Variants in RGS17 observed in about 807,000 individuals in gnomAD.
RGS17 encodes the protein regulator of G protein signaling 17, also known as regulator of G-protein signaling 17.
In RGS17, 12 loss-of-function variants were observed where a neutral mutation model predicts 25.5. That is an observed-to-expected ratio of 0.47 (90% confidence interval 0.30 to 0.76). The LOEUF (loss-of-function observed/expected upper bound fraction) is 0.76. Ranked by LOEUF, RGS17 falls within the 30% of genes least tolerant of loss-of-function variation. The probability of loss-of-function intolerance (pLI) is 0.07; values close to 1 mark genes in which losing one functional copy is unlikely to be tolerated. For missense variants in RGS17, 196 were observed against 242.2 expected, an observed-to-expected ratio of 0.81 and a Z score of 1.27; for synonymous variants, 71 against 76.9, an observed-to-expected ratio of 0.92 and a Z score of 0.40.
At chr6:153,101,675 G>A (rs1777304613) in intron 1 of RGS17, among the ~76,000 whole-genome samples, 1 of 152,054 alleles carries the variant, frequency 6.6e-6, no homozygotes, top group South Asian at 2.1e-4. Flanking sequence ...TTGAGGGAGG[G>A]GTCTGGTGGG....
chr6:153,056,462 G>A (rs1239879362), intron 1 of RGS17, among the ~76,000 whole-genome samples: 1 of 152,152 alleles, frequency 6.6e-6, no homozygotes, highest in African/African-American at 2.4e-5. Context: ...TTCCATATAT[G>A]GAAAGTCTGA....
At chr6:153,021,900 T>C (rs1779251392) in intron 4 of RGS17, among the ~76,000 whole-genome samples, 1 of 152,072 alleles carries the variant, frequency 6.6e-6, no homozygotes, top group African/African-American at 2.4e-5. Flanking sequence ...AAACTTGTGT[T>C]CAAAAGAAAG....
chr6:153,078,501 T>C (rs1282879828), intron 1 of RGS17, among the ~76,000 whole-genome samples: 2 of 152,038 alleles, frequency 1.3e-5, no homozygotes, highest in Non-Finnish European at 2.9e-5. Flanking sequence ...CTTTTAAAAA[T>C]ATTTTATTAC....
chr6:153,078,071 A>C (rs1401852573), intron 1 of RGS17, among the ~76,000 whole-genome samples: 2 of 152,046 alleles, frequency 1.3e-5, no homozygotes, highest in African/African-American at 4.8e-5. Flanking sequence ...AAGGCGATTC[A>C]CAATGTGGGC....
intron 1 of RGS17, among the ~76,000 whole-genome samples, chr6:153,114,530 G>C (rs903232554): frequency 2.0e-5 from 3 of 152,116 alleles, no homozygotes; most frequent in Non-Finnish European, 4.4e-5. Flanking sequence ...CATTTCTTCC[G>C]AAACTATTCC....
At position 153,042,548 on chromosome 6, in the gene RGS17, G is replaced by A. The variant is rs182518031; in HGVS notation, c.119+1352C>T. Among the ~76,000 whole-genome samples, 5 of 152,268 alleles carry A rather than the reference G, an allele frequency of 3.3e-5. No individual in the cohort carries two copies. In the East Asian group the frequency reaches 7.7e-4, roughly 24 times the overall value. ...GGCCTCCCCAGCCCTGTGGAACTGT[G>A]AGTCCATTAAACCTCTTTTTCTTTA... On this transcript the variant is annotated intron_variant, in intron 2 of 4. Coordinates refer to ENST00000206262, the MANE Select transcript of RGS17 (RefSeq NM_012419.5).
chr6:153,061,592 A>C (rs1396300907), intron 1 of RGS17, among the ~76,000 whole-genome samples: 1 of 152,240 alleles, frequency 6.6e-6, no homozygotes, highest in Non-Finnish European at 1.5e-5. Context: ...GTTATTATTC[A>C]TATAATGATT....
Position 153,049,020 on chromosome 6 carries a change from C to T in RGS17, c.-25-4977G>A, listed in dbSNP as rs1229186978. ...ATTCCTATTAACGATAAGAAGAAAA[C>T]AATAAAGTCTATATACCCAACATTC... On this transcript the variant is annotated intron_variant, in intron 1 of 4. Coordinates refer to ENST00000206262, the MANE Select transcript of RGS17 (RefSeq NM_012419.5). Among the ~76,000 whole-genome samples the T allele has an allele frequency of 3.3e-5, 5 of 151,966 alleles. 1 individual carries two copies. The highest frequency in any genetic ancestry group is 1.2e-4 in the African/African-American group (5 of 41,380).
Position 153,076,997 on chromosome 6 carries a change from A to C in RGS17, c.-25-32954T>G, listed in dbSNP as rs189161915. 6.6e-5 allele frequency among the ~76,000 whole-genome samples: 10 copies of C among 152,300 alleles called. No homozygotes were observed. In the East Asian group the frequency reaches 1.9e-3, roughly 29 times the overall value. On this transcript the variant is annotated intron_variant, in intron 1 of 4. Transcript: ENST00000206262. ...TTATAAGGGAAAAAAATGTACTTTC[A>C]TCATGAAGCAATGTTTTAGTGACCA...
intron 4 of RGS17, among the ~76,000 whole-genome samples, chr6:153,021,344 C>T (rs1779246285): frequency 6.6e-6 from 1 of 152,116 alleles, no homozygotes; most frequent in South Asian, 2.1e-4. Context: ...TGATGTAAGT[C>T]AGTAATGTAT....
intron 1 of RGS17, among the ~76,000 whole-genome samples, chr6:153,046,446 A>T (rs1462907052): frequency 6.6e-6 from 1 of 152,040 alleles, no homozygotes; most frequent in East Asian, 1.9e-4. Flanking sequence ...TCTACATTTT[A>T]TGTACTGGAA....
chr6:153,108,412 G>A (rs1777416647), intron 1 of RGS17, among the ~76,000 whole-genome samples: 1 of 152,082 alleles, frequency 6.6e-6, no homozygotes, highest in South Asian at 2.1e-4. Flanking sequence ...CAGGCAAATG[G>A]CAGAAATGGC....
intron 1 of RGS17, among the ~76,000 whole-genome samples, chr6:153,083,628 C>G (rs1777012482): frequency 6.6e-6 from 1 of 152,062 alleles, no homozygotes; most frequent in Non-Finnish European, 1.5e-5. Flanking sequence ...GAAAGGGAAA[C>G]AAACAAGAAA....
chr6:153,051,106 G>A (rs1776456494), intron 1 of RGS17, among the ~76,000 whole-genome samples: 1 of 152,174 alleles, frequency 6.6e-6, no homozygotes, highest in Non-Finnish European at 1.5e-5. Flanking sequence ...CCCCAGAACT[G>A]TGAGAAATAA....
intron 4 of RGS17, among the ~76,000 whole-genome samples, chr6:153,018,088 A>G (rs1247868034): frequency 6.6e-6 from 1 of 152,030 alleles, no homozygotes; most frequent in Non-Finnish European, 1.5e-5. Flanking sequence ...TAGAACAAAG[A>G]TTATTGGTAG....
At chr6:153,113,073 A>G (rs1448599440) in intron 1 of RGS17, among the ~76,000 whole-genome samples, 1 of 152,222 alleles carries the variant, frequency 6.6e-6, no homozygotes, top group Non-Finnish European at 1.5e-5. Context: ...ATATATCAAT[A>G]TTAATCTTAA....
At position 153,116,219 on chromosome 6, in the gene RGS17, T is replaced by G. The variant is rs546133670; in HGVS notation, c.-26+14905A>C. 1.4e-4 allele frequency among the ~76,000 whole-genome samples: 21 copies of G among 152,106 alleles called. No homozygotes were observed. In the East Asian group the frequency reaches 3.9e-3, roughly 28 times the overall value. On this transcript the variant is annotated intron_variant, in intron 1 of 4. Coordinates refer to ENST00000206262, the MANE Select transcript of RGS17 (RefSeq NM_012419.5). The stretch of plus-strand genomic sequence containing the variant: ...AGAATCTACAAGGAACTTAAACAAA[T>G]TTACAAGAAAAAAGCAAACAACCCC...
At position 153,076,475 on chromosome 6, in the gene RGS17, T is replaced by A. The variant is rs1400221412; in HGVS notation, c.-25-32432A>T. ...AGTCTCAGAAGCAATGATACGGCAG[T>A]AGCGATGAACATATATAGAGTATCT... is the stretch of plus-strand genomic sequence containing the variant. On this transcript the variant is annotated intron_variant, in intron 1 of 4. Coordinates refer to ENST00000206262, the MANE Select transcript of RGS17 (RefSeq NM_012419.5). Among the ~76,000 whole-genome samples, 5 of 152,258 alleles carry A rather than the reference T, an allele frequency of 3.3e-5. No individual in the cohort carries two copies. The South Asian group carries it at 6.2e-4, about 19-fold the overall frequency.
chr6:153,076,665 C>A (rs909721875), intron 1 of RGS17, among the ~76,000 whole-genome samples: 1 of 152,114 alleles, frequency 6.6e-6, no homozygotes, highest in Non-Finnish European at 1.5e-5. Context: ...TAAACAGAAA[C>A]AGAAGTCAGT....
Sources: allele counts gnomAD v4.1 joint callset (sites outside exome capture counted in the v4.1 genomes callset), GRCh38; gene constraint gnomAD v4.1.1; transcripts MANE v1.5; gene names NCBI Gene and HGNC (gene_info 2026-07-23, HGNC 2026-07-21).